The following C4orf54 variants were observed in gnomAD, a reference collection of about 807,000 sequenced individuals.
The protein encoded by C4orf54 is uncharacterized protein C4orf54.
A neutral mutation model predicts 80.1 loss-of-function variants in C4orf54; 67 were observed. That is an observed-to-expected ratio of 0.84 (90% confidence interval 0.69 to 1.03). The LOEUF (loss-of-function observed/expected upper bound fraction) is 1.03. C4orf54 is among the 50% of genes least tolerant of loss of function. The pLI is 0.00. For synonymous variants in C4orf54, 1,000 were observed against 917.0 expected (o/e 1.09, Z -1.64); for missense variants, 2,434 against 2,253.5 (o/e 1.08, Z -1.62).
rs1726538550 is a variant in C4orf54 at position 99,638,006 on chromosome 4, CTT to C, written c.*3225_*3226del. On this transcript the variant is annotated 3_prime_UTR_variant, in exon 3 of 3. Coordinates refer to ENST00000511828, the MANE Select transcript of C4orf54 (RefSeq NM_001354435.2). Reference sequence around the variant, plus strand: ...GCATTCAATTTGTAGCAAACACAGACTTTGATTTCTATGAAGTATGAAAACAA... The same window carrying C: ...GCATTCAATTTGTAGCAAACACAGACTGATTTCTATGAAGTATGAAAACAA... 1 of 152,122 alleles carries C rather than the reference CTT, an allele frequency of 6.6e-6. No homozygotes were observed. The highest frequency in any genetic ancestry group is 2.4e-5 in the African/African-American group (1 of 41,432). 9.4% of individuals were successfully genotyped at this position (152,122 alleles called of 1,614,324 possible). A position where few individuals can be genotyped will look rare whatever the true frequency, so the allele number is the denominator to read the frequency against.
At position 99,654,531 on chromosome 4, in the gene C4orf54, C is replaced by T. The variant is rs965695979; in HGVS notation, c.118G>A (p.Gly40Arg). Residue 40 changes from glycine to arginine, a missense_variant, in exon 2 of 3, where the codon GGA (glycine) becomes AGA (arginine). Physicochemically the swap from Gly to Arg is moderately radical, Grantham distance 125 (BLOSUM62 -2). Transcript: ENST00000511828. The stretch of plus-strand genomic sequence containing the variant: ...GCCAGTGTTCTGTAGCTGAGCTGTC[C>T]TGTCCAGTTGTTTGCCTGGCACCGT... ...CRRCQANNWT[G>R]QLSYRTLATV... The T allele has an allele frequency of 2.8e-6, 2 of 703,280 alleles. No individual in the cohort carries two copies. The highest frequency in any genetic ancestry group is 2.6e-6 in the Non-Finnish European group (1 of 385,200). 43.6% of individuals were successfully genotyped at this position (703,280 alleles called of 1,614,324 possible).
rs377468964 is a variant in C4orf54 at position 99,650,317 on chromosome 4, G to A, written c.4332C>T (p.Thr1444=). Residue 1444 remains threonine (T), a synonymous_variant, in exon 2 of 3, where the codon ACC becomes ACT. Transcript: ENST00000511828. ...TGGTCACCTCATCAGGAGGTGCCCG[G>A]GTGGCTGGAGAGATCTTGAGGGACC... ...GLRSLKISPA[T]RAPPDEVTNR... is the part of the protein sequence containing the mutation. The A allele has an allele frequency of 9.8e-6, 15 of 1,535,986 alleles. No individual in the cohort carries two copies. The African/African-American group carries it at 1.9e-4, about 20-fold the overall frequency.
intron 1 of C4orf54, among the ~76,000 whole-genome samples, chr4:99,656,542 G>C (rs1209045885): frequency 2.0e-5 from 3 of 152,300 alleles, no homozygotes; most frequent in Admixed American, 6.5e-5. Context: ...GCTTCCCAAA[G>C]TGCTGGGATT....
intron 2 of C4orf54, among the ~76,000 whole-genome samples, chr4:99,643,792 A>ACACACACACACACACACACACCCC (rs61130907): frequency 1.0e-5 from 1 of 98,902 alleles, no homozygotes; most frequent in Admixed American, 1.2e-4. Flanking sequence ...ACACACACAC[A>ACACACACACACACACACACACCCC]CCCCCTCCGC....
At chr4:99,642,479 C>G (rs1003945926) in intron 2 of C4orf54, among the ~76,000 whole-genome samples, 1 of 152,208 alleles carries the variant, frequency 6.6e-6, no homozygotes, top group Non-Finnish European at 1.5e-5. Context: ...TCTGGTTATA[C>G]AATCTGCTAG....
In C4orf54 at chr4:99,650,307, G is replaced by C. The variant is rs142171308; in HGVS notation, c.4342C>G (p.Pro1448Ala). 1,404 of 1,536,092 alleles carry C rather than the reference G, an allele frequency of 9.1e-4. 9 individuals carry two copies. The African/African-American group carries it at 0.017, about 19-fold the overall frequency. Reference protein sequence around the residue: ...LKISPATRAPPDEVTNRKSGS... With the variant: ...LKISPATRAPADEVTNRKSGS... ...CTTTTCCTGTTGGTCACCTCATCAGGAGGTGCCCGGGTGGCTGGAGAGATC... is the reference window on the plus strand; with the variant it reads ...CTTTTCCTGTTGGTCACCTCATCAGCAGGTGCCCGGGTGGCTGGAGAGATC... The change falls in exon 2 of 3, where the codon CCT (proline) becomes GCT (alanine). Residue 1448 changes from proline to alanine, a missense_variant. By Grantham distance (27) the Pro-to-Ala change is conservative. Transcript: ENST00000511828.
chr4:99,646,425 G>A (rs1293748550), intron 2 of C4orf54, among the ~76,000 whole-genome samples: 1 of 152,208 alleles, frequency 6.6e-6, no homozygotes, highest in African/African-American at 2.4e-5. Flanking sequence ...TGGAAACACA[G>A]ATGGTTAATG....
rs989399769 is a variant in C4orf54, at chr4:99,640,761, T to C, written c.*472A>G. On this transcript the variant is annotated 3_prime_UTR_variant, in exon 3 of 3. Transcript: ENST00000511828. ...AAATACGTATTACAACTCAGCCAGC[T>C]AGTCTTGATATATTCCAAGAAACTA... 1.3e-5 allele frequency: 2 copies of C among 152,180 alleles called. No individual in the cohort carries two copies. Among genetic ancestry groups the C allele is most frequent in the African/African-American group, 2.4e-5 (1 of 41,450 alleles). 9.4% of individuals were successfully genotyped at this position (152,180 alleles called of 1,614,324 possible).
chr4:99,644,212 A>T (rs1726659765), intron 2 of C4orf54, among the ~76,000 whole-genome samples: 2 of 152,248 alleles, frequency 1.3e-5, no homozygotes, highest in Admixed American at 1.3e-4. Context: ...AGAGATTAAA[A>T]ATAGTACCTA....
chr4:99,652,057 C>T lies in C4orf54; in HGVS notation c.2592G>A (p.Arg864=). ...CGGCCTCGGAGTGACGAGAGCTCTG[C>T]CTCTGCAGGCCCCTCTCTCGCTGCC... ...SERQRERGLQ[R]QSSRHSEAGS... Residue 864 remains arginine, a synonymous_variant, in exon 2 of 3, where the codon AGG becomes AGA. Coordinates refer to ENST00000511828, the MANE Select transcript of C4orf54 (RefSeq NM_001354435.2). 1 of 1,536,156 alleles carries T rather than the reference C, an allele frequency of 6.5e-7. No individual in the cohort carries two copies. The highest frequency in any genetic ancestry group is 8.7e-7 in the Non-Finnish European group (1 of 1,146,904).
In C4orf54 at chr4:99,652,011, T is replaced by G. The variant is rs754982469; in HGVS notation, c.2638A>C (p.Ser880Arg). ...SEAGSEYTVV[S>R]MSDAGGEGSV... ...CCCTCCCCGCCCGCGTCGGACATGC[T>G]GACCACTGTGTACTCGGAGCCGGCC... The change falls in exon 2 of 3, where the codon AGC becomes CGC. Residue 880 changes from serine (S) to arginine (R), a missense_variant. Coordinates refer to ENST00000511828, the MANE Select transcript of C4orf54 (RefSeq NM_001354435.2). The G allele has an allele frequency of 3.6e-5, 55 of 1,536,030 alleles. No homozygotes were observed. In the South Asian group the frequency reaches 4.9e-4, roughly 14 times the overall value.
rs1440201490 is a variant in C4orf54, at chr4:99,652,228, C to T, written c.2421G>A (p.Lys807=). The T allele has an allele frequency of 1.7e-5, 26 of 1,535,860 alleles. No homozygotes were observed. Among genetic ancestry groups the T allele is most frequent in the Non-Finnish European group, 2.3e-5 (26 of 1,146,840 alleles). The change falls in exon 2 of 3, where the codon AAG becomes AAA. Residue 807 remains lysine, a synonymous_variant. Coordinates refer to ENST00000511828, the MANE Select transcript of C4orf54 (RefSeq NM_001354435.2). The stretch of plus-strand genomic sequence containing the variant: ...CATTTTTGAGCAGACTGGAGGCGAA[C>T]TTGGACTTCTGGGGGCCATCGGCGC... ...TSRADGPQKS[K]FASSLLKNVI...
rs1578274978 is a variant in C4orf54 at position 99,652,023 on chromosome 4, A to G, written c.2626T>C (p.Tyr876His). The part of the protein sequence containing the change: ...SSRHSEAGSE[Y>H]TVVSMSDAGG... ...GCGTCGGACATGCTGACCACTGTGT[A>G]CTCGGAGCCGGCCTCGGAGTGACGA... Residue 876 changes from tyrosine to histidine, a missense_variant, in exon 2 of 3, where the codon TAC becomes CAC. Tyr to His is a moderately conservative substitution (Grantham distance 83, BLOSUM62 2). Coordinates refer to ENST00000511828, the MANE Select transcript of C4orf54 (RefSeq NM_001354435.2). 1 of 1,536,042 alleles carries G rather than the reference A, an allele frequency of 6.5e-7. No homozygotes were observed. Among genetic ancestry groups the G allele is most frequent in the Non-Finnish European group, 8.7e-7 (1 of 1,146,898 alleles).
In C4orf54 at chr4:99,649,394, G is replaced by T. The variant is rs967430725; in HGVS notation, c.5255C>A (p.Ala1752Asp). The T allele has an allele frequency of 6.5e-7, 1 of 1,536,160 alleles. No individual in the cohort carries two copies. Among genetic ancestry groups the T allele is most frequent in the Non-Finnish European group, 8.7e-7 (1 of 1,146,916 alleles). ...GCCATGCAGCTGGGCAAAGGCCTTG[G>T]CCCCTAGGAGCTGGGATGTGGCTGC... Reference protein sequence around the residue: ...APAATSQLLGAKAFAQLHGKP... With the variant: ...APAATSQLLGDKAFAQLHGKP... Residue 1752 changes from alanine to aspartate, a missense_variant, in exon 2 of 3, where the codon GCC becomes GAC. Physicochemically the swap from Ala to Asp is moderately radical, Grantham distance 126. Coordinates refer to ENST00000511828, the MANE Select transcript of C4orf54 (RefSeq NM_001354435.2).
Position 99,650,958 on chromosome 4 carries a change from T to G in C4orf54, c.3691A>C (p.Thr1231Pro). 6.5e-7 allele frequency: 1 copy of G among 1,536,072 alleles called. No homozygotes were observed. The part of the protein sequence containing the change: ...KIVSKASTQK[T>P]PEKLKEEEVK... The stretch of plus-strand genomic sequence containing the variant: ...TCCTCCTCCTTGAGCTTCTCTGGGG[T>G]CTTCTGGGTGGAAGCCTTGGAGACA... Residue 1231 changes from threonine (T) to proline (P), a missense_variant, in exon 2 of 3, where the codon ACC becomes CCC. Physicochemically the swap from Thr to Pro is conservative, Grantham distance 38 (BLOSUM62 -1). Transcript: ENST00000511828.
rs1726812508 is a variant in C4orf54 at position 99,651,063 on chromosome 4, T to A, written c.3586A>T (p.Arg1196Trp). Residue 1196 changes from arginine (R) to tryptophan (W), a missense_variant, in exon 2 of 3, where the codon AGG becomes TGG. Coordinates refer to ENST00000511828, the MANE Select transcript of C4orf54 (RefSeq NM_001354435.2). ...SSPEGTVLVH[R>W]ASGRLPVATI... Reference sequence around the variant, plus strand: ...GCCACAGGCAGCCTGCCAGATGCCCTGTGAACCAAGACTGTCCCTTCTGGG... The same window carrying A: ...GCCACAGGCAGCCTGCCAGATGCCCAGTGAACCAAGACTGTCCCTTCTGGG... 2 of 1,536,160 alleles carry A rather than the reference T, an allele frequency of 1.3e-6. No homozygotes were observed. The highest frequency in any genetic ancestry group is 1.7e-6 in the Non-Finnish European group (2 of 1,146,906).
rs77873686 is a variant in C4orf54, at chr4:99,650,875, A to C, written c.3774T>G (p.Thr1258=). Residue 1258 remains threonine, a synonymous_variant, in exon 2 of 3, where the codon ACT becomes ACG. Transcript: ENST00000511828. ...KPARNALEKL[T]AAVRSMEELY... Reference sequence around the variant, plus strand: ...GCTCTTCCATGGACCTCACGGCTGCAGTCAGCTTCTCCAGGGCATTCCGGG... The same window carrying C: ...GCTCTTCCATGGACCTCACGGCTGCCGTCAGCTTCTCCAGGGCATTCCGGG... The C allele has an allele frequency of 1.3e-4, 194 of 1,536,084 alleles. No homozygotes were observed. In the East Asian group the frequency reaches 4.3e-3, roughly 34 times the overall value.
At position 99,651,841 on chromosome 4, in the gene C4orf54, G is replaced by C. The variant is rs925503666; in HGVS notation, c.2808C>G (p.Phe936Leu). Residue 936 changes from phenylalanine to leucine, a missense_variant, in exon 2 of 3, where the codon TTC becomes TTG. Coordinates refer to ENST00000511828, the MANE Select transcript of C4orf54 (RefSeq NM_001354435.2). ...GGAACGCACTGTTCTGACTACGGAG[G>C]AAGATGCCCTTGACGGTCTCTGAGG... Reference protein sequence around the residue: ...KSASETVKGIFLRSQNSAFRS... With the variant: ...KSASETVKGILLRSQNSAFRS... 71 of 1,535,994 alleles carry C rather than the reference G, an allele frequency of 4.6e-5. No homozygotes were observed. In the Admixed American group the frequency reaches 1.4e-3, roughly 30 times the overall value.
In C4orf54 at chr4:99,639,592, G is replaced by A. The variant is rs570931215; in HGVS notation, c.*1641C>T. On this transcript the variant is annotated 3_prime_UTR_variant, in exon 3 of 3. Coordinates refer to ENST00000511828, the MANE Select transcript of C4orf54 (RefSeq NM_001354435.2). The stretch of plus-strand genomic sequence containing the variant: ...ATTTCATAGCTCATCAGCACAACAA[G>A]CAATTGAATCGTGATCAGAGCTGAC... 1 of 152,152 alleles carries A rather than the reference G, an allele frequency of 6.6e-6. No individual in the cohort carries two copies. The highest frequency in any genetic ancestry group is 2.4e-5 in the African/African-American group (1 of 41,522). The allele number at this position is 152,152 out of a possible 1,614,324, so 9.4% of individuals were successfully genotyped here. A position where few individuals can be genotyped will look rare whatever the true frequency, so the allele number is the denominator to read the frequency against.
Sources: allele counts gnomAD v4.1 joint callset (sites outside exome capture counted in the v4.1 genomes callset), GRCh38; gene constraint gnomAD v4.1.1; transcripts MANE v1.5; gene names NCBI Gene and HGNC (gene_info 2026-07-23, HGNC 2026-07-21).